FAM193A: variants seen among roughly 807,000 people sequenced by gnomAD.
FAM193A encodes protein FAM193A.
Under a neutral mutation model 126.5 loss-of-function variants are expected in FAM193A, and 22 were observed. The ratio of observed to expected loss-of-function variants is 0.17; its 90% CI spans 0.12 to 0.25. The LOEUF (loss-of-function observed/expected upper bound fraction) is 0.25. Ranked by LOEUF, FAM193A falls within the 10% of genes least tolerant of loss-of-function variation. The probability of loss-of-function intolerance (pLI) is 1.00; values close to 1 mark genes in which losing one functional copy is unlikely to be tolerated. For missense variants in FAM193A, 1,675 were observed against 1,672.8 expected (o/e 1.00, Z -0.02); for synonymous variants, 761 against 646.8 (o/e 1.18, Z -2.68).
At chr4:2,670,638 T>C (rs1012641473) in intron 12 of FAM193A, among the ~76,000 whole-genome samples, 3 of 152,114 alleles carry the variant, frequency 2.0e-5, no homozygotes, top group Non-Finnish European at 4.4e-5. Flanking sequence ...TTTTGTACTT[T>C]TTGTAGAGAC....
chr4:2,616,933 C>T (rs1423189263), intron 2 of FAM193A, among the ~76,000 whole-genome samples: 4 of 145,854 alleles, frequency 2.7e-5, no homozygotes, highest in African/African-American at 9.9e-5. Flanking sequence ...CTTTGGGAGG[C>T]TGAGGCGGGC....
chr4:2,559,137 GTTCT>G (rs1301581949), intron 1 of FAM193A, among the ~76,000 whole-genome samples: 2 of 152,216 alleles, frequency 1.3e-5, no homozygotes, highest in African/African-American at 4.8e-5. Context: ...GAATTGAACT[GTTCT>G]TTGTGTGTTT....
At chr4:2,552,623 C>T (rs367607753) in intron 1 of FAM193A, among the ~76,000 whole-genome samples, 6 of 151,420 alleles carry the variant, frequency 4.0e-5, no homozygotes, top group African/African-American at 1.5e-4. Context: ...CTGCAAGCTC[C>T]GCCTCCTGGG....
At chr4:2,726,121 G>C (rs560392877) in intron 20 of FAM193A, among the ~76,000 whole-genome samples, 1 of 151,744 alleles carries the variant, frequency 6.6e-6, no homozygotes, top group Non-Finnish European at 1.5e-5. Context: ...GGATGGTCTC[G>C]ATCTCCCGAC....
At chr4:2,695,206 G>T in intron 17 of FAM193A, 77 bp downstream of exon 17, 4 of 1,281,874 alleles carry the variant, frequency 3.1e-6, no homozygotes, top group South Asian at 1.6e-5. Context: ...TTCTGTACTA[G>T]GTTGAATTCG....
At chr4:2,653,414 C>T (rs1044842966) in intron 7 of FAM193A, among the ~76,000 whole-genome samples, 7 of 152,084 alleles carry the variant, frequency 4.6e-5, no homozygotes, top group African/African-American at 9.7e-5. Flanking sequence ...AAACCAGTCT[C>T]TTCACTAAAG....
intron 17 of FAM193A, 86 bp downstream of exon 17, chr4:2,695,215 C>T (rs908279272): frequency 2.5e-5 from 29 of 1,168,050 alleles, no homozygotes; most frequent in Non-Finnish European, 2.9e-5. Flanking sequence ...AGGTTGAATT[C>T]GGGGTATATT....
intron 1 of FAM193A, among the ~76,000 whole-genome samples, chr4:2,562,401 G>C (rs1738671274): frequency 6.6e-6 from 1 of 152,146 alleles, no homozygotes; most frequent in African/African-American, 2.4e-5. Context: ...GCAGTGAGCT[G>C]ATGGCACCAC....
At chr4:2,655,781 A>T (rs573051666) in intron 7 of FAM193A, among the ~76,000 whole-genome samples, 1 of 152,124 alleles carries the variant, frequency 6.6e-6, no homozygotes, top group East Asian at 1.9e-4. Flanking sequence ...GGAAAAAAAA[A>T]TTAGCCAGGT....
At chr4:2,585,567 A>G (rs763085707) in intron 1 of FAM193A, among the ~76,000 whole-genome samples, 2 of 151,012 alleles carry the variant, frequency 1.3e-5, no homozygotes, top group South Asian at 2.1e-4. Context: ...TCTTTTTCCT[A>G]TTTTTCTCAT....
chr4:2,720,421 G>A (rs1370174145), intron 20 of FAM193A, among the ~76,000 whole-genome samples: 5 of 152,116 alleles, frequency 3.3e-5, no homozygotes, highest in African/African-American at 1.2e-4. Flanking sequence ...TGAGGCTGAG[G>A]TGGAAGGATC....
At position 2,700,415 on chromosome 4, in the gene FAM193A, C is replaced by T; in HGVS notation, c.4243C>T (p.Pro1415Ser). 1 of 1,614,152 alleles carries T rather than the reference C, an allele frequency of 6.2e-7. No homozygotes were observed. The change falls in exon 19 of 21, where the codon CCT becomes TCT. Residue 1415 changes from proline to serine, a missense_variant. Pro to Ser is a moderately conservative substitution (Grantham distance 74). Transcript: ENST00000637812. ...HIKDEKSNPT[P>S]MEPTSPGEHQ... ...CAAGGACGAAAAGTCAAACCCAACC[C>T]CTATGGAGCCCACCTCTCCCGGTGA...
chr4:2,610,143 A>G (rs1355819591), intron 2 of FAM193A, among the ~76,000 whole-genome samples: 1 of 152,038 alleles, frequency 6.6e-6, no homozygotes, highest in African/African-American at 2.4e-5. Flanking sequence ...GAGGCAGGAG[A>G]ATCGCTTGAA....
intron 1 of FAM193A, among the ~76,000 whole-genome samples, chr4:2,548,967 C>G (rs539139265): frequency 6.6e-6 from 1 of 151,798 alleles, no homozygotes; most frequent in African/African-American, 2.4e-5. Context: ...CAGACAGAGT[C>G]TCATTCTGTC....
At chr4:2,597,935 C>A (rs973650288) in intron 2 of FAM193A, among the ~76,000 whole-genome samples, 1 of 151,924 alleles carries the variant, frequency 6.6e-6, no homozygotes, top group Admixed American at 6.6e-5. Flanking sequence ...GACAGAGTCT[C>A]GCTCTGTCAC....
rs752638359 is a variant in FAM193A, at chr4:2,690,656, G to A, written c.2531-42G>A. ...TGTCTTTTAGGGTTTAGCTAAGTAT[G>A]ATTGCTGTCAGAAGCCTTAATTTTC... On this transcript the variant is annotated intron_variant, in intron 14 of 20. Coordinates refer to ENST00000637812, the MANE Select transcript of FAM193A (RefSeq NM_001366318.2). 2.0e-5 allele frequency: 32 copies of A among 1,568,652 alleles called. No homozygotes were observed. The African/African-American group carries it at 3.6e-4, about 17-fold the overall frequency.
At chr4:2,553,866 G>A (rs1418294285) in intron 1 of FAM193A, among the ~76,000 whole-genome samples, 1 of 152,072 alleles carries the variant, frequency 6.6e-6, no homozygotes, top group East Asian at 1.9e-4. Flanking sequence ...ATGGTTCTGT[G>A]AGTGGGAGTT....
chr4:2,699,231 T>C (rs1717383930), intron 18 of FAM193A, among the ~76,000 whole-genome samples: 1 of 152,118 alleles, frequency 6.6e-6, no homozygotes, highest in Non-Finnish European at 1.5e-5. Flanking sequence ...TTGCTCAGAG[T>C]TCTGGCGGCA....
chr4:2,570,428 G>C (rs1739222898), intron 1 of FAM193A, among the ~76,000 whole-genome samples: 1 of 152,182 alleles, frequency 6.6e-6, no homozygotes, highest in South Asian at 2.1e-4. Context: ...GAGCTTTGGT[G>C]ACATGGCTCA....
Sources: gnomAD v4.1 joint callset for allele counts (sites outside exome capture counted in the v4.1 genomes callset) on GRCh38, gnomAD v4.1.1 for gene constraint, MANE v1.5 for transcripts, NCBI Gene and HGNC (gene_info 2026-07-23, HGNC 2026-07-21) for gene names.